Variants in KIFC3 observed in about 807,000 individuals in gnomAD.
KIFC3 encodes the protein kinesin-like protein KIFC3.
A neutral mutation model predicts 101.8 loss-of-function variants in KIFC3; 60 were observed. The observed-to-expected ratio is 0.59, with a 90% CI of 0.48 to 0.73. KIFC3 has a LOEUF of 0.73. KIFC3 is among the 30% of genes least tolerant of loss of function. The probability of loss-of-function intolerance (pLI) is 0.00; values close to 1 mark genes in which losing one functional copy is unlikely to be tolerated. For missense variants in KIFC3, 966 were observed against 1,137.1 expected (o/e 0.85, Z 2.16); for synonymous variants, 476 against 482.7 (o/e 0.99, Z 0.18).
Position 57,835,083 on chromosome 16 carries a change from T to A in KIFC3, c.108+27646A>T, listed in dbSNP as rs145652821. On this transcript the variant is annotated intron_variant, in intron 1 of 2. Coordinates refer to the KIFC3 transcript ENST00000563028. ...CTGGCTCCCTGCAGGCCCCTCCTTCTGTGAGTAAGAACGGAGGCGGGTTCT... is the reference window on the plus strand; with the variant it reads ...CTGGCTCCCTGCAGGCCCCTCCTTCAGTGAGTAAGAACGGAGGCGGGTTCT... 2.6e-3 allele frequency among the ~76,000 whole-genome samples: 403 copies of A among 152,346 alleles called. 1 individual carries two copies. The highest frequency in any genetic ancestry group is 9.4e-3 in the African/African-American group (392 of 41,594).
chr16:57,766,159 G>A (rs782417340), intron 10 of KIFC3, among the ~76,000 whole-genome samples: 15 of 152,310 alleles, frequency 9.8e-5, no homozygotes, highest in African/African-American at 1.7e-4. Context: ...TGGTCATGCC[G>A]CCATCTACTT....
chr16:57,801,676 G>A (rs1190204110), intron 1 of KIFC3, among the ~76,000 whole-genome samples: 3 of 152,330 alleles, frequency 2.0e-5, no homozygotes, highest in African/African-American at 7.2e-5. Context: ...GGTGGGGGCT[G>A]GGTGGCAGTA....
At chr16:57,847,265 A>AGGAAG (rs1555482750) in intron 1 of KIFC3, among the ~76,000 whole-genome samples, 688 of 58,510 alleles carry the variant, frequency 0.012, 39 homozygotes, top group Admixed American at 0.044. Flanking sequence ...GAAGGAAGGA[A>AGGAAG]GGAAGGGAAG....
upstream of KIFC3, among the ~76,000 whole-genome samples, chr16:57,805,506 C>A (rs1306740743): frequency 6.6e-6 from 1 of 152,064 alleles, no homozygotes; most frequent in African/African-American, 2.4e-5. Flanking sequence ...ACCCTTCCTG[C>A]CGAACTCTGG....
intron 1 of KIFC3, among the ~76,000 whole-genome samples, chr16:57,844,231 A>ACCC (rs1319779754): frequency 6.6e-6 from 1 of 151,900 alleles, no homozygotes; most frequent in Non-Finnish European, 1.5e-5. Context: ...GGAGTTCAAG[A>ACCC]CCAGCCTGGC....
At chr16:57,836,376 G>A (rs2055687887) in intron 1 of KIFC3, among the ~76,000 whole-genome samples, 1 of 150,620 alleles carries the variant, frequency 6.6e-6, no homozygotes, top group South Asian at 2.1e-4. Flanking sequence ...GCCTCCCACA[G>A]TGCTGGCATT....
chr16:57,766,079 G>C (rs2050446954), intron 10 of KIFC3, among the ~76,000 whole-genome samples: 1 of 152,218 alleles, frequency 6.6e-6, no homozygotes, highest in African/African-American at 2.4e-5. Context: ...CCAGGCAGCA[G>C]GTGATGACTG....
At chr16:57,765,361 A>T in intron 11 of KIFC3, 98 bp downstream of exon 11, 1 of 1,216,478 alleles carries the variant, frequency 8.2e-7, no homozygotes, top group Non-Finnish European at 1.1e-6. Flanking sequence ...TGCACCCCCC[A>T]CTCTTAACGC....
intron 12 of KIFC3, among the ~76,000 whole-genome samples, chr16:57,762,731 C>T (rs1478384829): frequency 1.3e-5 from 2 of 152,100 alleles, no homozygotes; most frequent in Non-Finnish European, 2.9e-5. Flanking sequence ...ACGGGTGGGC[C>T]GGCCTTTCTA....
chr16:57,764,275 T>TGGGGGGGTGGGGGGGG, intron 11 of KIFC3, 28 bp from the exon 12 acceptor site: 1 of 539,926 alleles, frequency 1.9e-6, no homozygotes, highest in East Asian at 4.6e-5. Flanking sequence ...GGGAGGCTGG[T>TGGGGGGGTGGGGGGGG]GGGGGGGCTT....
chr16:57,837,562 A>G (rs12932014), intron 1 of KIFC3, among the ~76,000 whole-genome samples: 6 of 62,070 alleles, frequency 9.7e-5, no homozygotes, highest in Non-Finnish European at 2.9e-4. Context: ...AGGAAGAAAG[A>G]AAGAAAGAAA....
chr16:57,788,051 C>A (rs1032876577), intron 3 of KIFC3, among the ~76,000 whole-genome samples: 1 of 152,252 alleles, frequency 6.6e-6, no homozygotes, highest in Non-Finnish European at 1.5e-5. Flanking sequence ...CCTGTAGAAT[C>A]TTCCAGAACC....
chr16:57,760,897 C>T lies in KIFC3; in HGVS notation c.2061G>A (p.Glu687=), dbSNP rs1555596157. The T allele has an allele frequency of 1.9e-6, 3 of 1,609,934 alleles. No homozygotes were observed. The highest frequency in any genetic ancestry group is 2.2e-5 in the East Asian group (1 of 44,864). The change falls in exon 16 of 20, where the codon GAG becomes GAA. Residue 687 remains glutamate (E), a synonymous_variant. Transcript: ENST00000445690. ...GCTGCGCCTCCCGCAGGCGGCTGCC[C>T]TCGGCCCCCGACTTGCCCACGCGCT... The part of the protein sequence containing the change: ...GSERVGKSGA[E]GSRLREAQHI...
At chr16:57,793,981 T>C (rs1469730175) in intron 3 of KIFC3, among the ~76,000 whole-genome samples, 11 of 152,120 alleles carry the variant, frequency 7.2e-5, no homozygotes, top group Admixed American at 6.5e-4. Context: ...ACAAGGCTAG[T>C]TGTGTTGAAT....
At chr16:57,787,484 G>A (rs147166124) in intron 3 of KIFC3, among the ~76,000 whole-genome samples, 118 of 152,374 alleles carry the variant, frequency 7.7e-4, no homozygotes, top group African/African-American at 2.7e-3. Context: ...AGGGGGCCAG[G>A]AGAGTGCTTG....
chr16:57,860,482 T>G (rs2056281533), intron 1 of KIFC3, among the ~76,000 whole-genome samples: 1 of 152,090 alleles, frequency 6.6e-6, no homozygotes, highest in Non-Finnish European at 1.5e-5. Flanking sequence ...AAAATCAAAC[T>G]GGACATCCAA....
At position 57,802,026 on chromosome 16, in the gene KIFC3, G is replaced by A. The variant is rs2054759029; in HGVS notation, c.-40+344C>T. Among the ~76,000 whole-genome samples the A allele has an allele frequency of 1.3e-5, 2 of 152,238 alleles. No individual in the cohort carries two copies. The highest frequency in any genetic ancestry group is 4.1e-4 in the South Asian group (2 of 4,836). The stretch of plus-strand genomic sequence containing the variant: ...AGGGAGCCCTGGGGGTGGGGAAGAC[G>A]CCAGGAAGGGGAGAGGGCGGCGCCG... On this transcript the variant is annotated intron_variant, in intron 1 of 19. Transcript: ENST00000445690. This position sits in a 1 kb window ranked among gnomAD's most constrained non-coding sequence, Gnocchi z 5.0.
At chr16:57,780,831 T>C (rs1254595471) in intron 3 of KIFC3, among the ~76,000 whole-genome samples, 5 of 151,610 alleles carry the variant, frequency 3.3e-5, no homozygotes, top group African/African-American at 1.2e-4. Context: ...TGCACCACCA[T>C]GCCCGGCTAA....
intron 3 of KIFC3, among the ~76,000 whole-genome samples, chr16:57,792,795 G>T (rs1265744913): frequency 1.5e-5 from 2 of 136,024 alleles, no homozygotes; most frequent in African/African-American, 5.5e-5. Flanking sequence ...GAGGTGAGAT[G>T]ACTTGGCTGG....
Sources: allele counts gnomAD v4.1 joint callset (sites outside exome capture counted in the v4.1 genomes callset), GRCh38; gene constraint gnomAD v4.1.1; non-coding constraint Gnocchi (gnomAD v3.1); transcripts MANE v1.5; gene names NCBI Gene and HGNC (gene_info 2026-07-23, HGNC 2026-07-21).